The following PCM1 variants were observed in gnomAD, a reference collection of about 807,000 sequenced individuals.
The protein encoded by PCM1 is pericentriolar material 1.
A neutral mutation model predicts 241.9 loss-of-function variants in PCM1; 157 were observed. The observed-to-expected ratio is 0.65, with a 90% CI of 0.57 to 0.74. The LOEUF is 0.74. Among genes scored for constraint, PCM1 ranks in the 30% least tolerant of loss-of-function variants. The probability of loss-of-function intolerance (pLI) is 0.00; values close to 1 mark genes in which losing one functional copy is unlikely to be tolerated. For missense variants in PCM1, 3,478 were observed against 2,360.1 expected (o/e 1.47, Z -9.81); for synonymous variants, 1,085 against 784.9 (o/e 1.38, Z -6.39).
At chr8:17,988,734 A>G (rs1169680845) in intron 26 of PCM1, among the ~76,000 whole-genome samples, 1 of 151,960 alleles carries the variant, frequency 6.6e-6, no homozygotes, top group African/African-American at 2.4e-5. Flanking sequence ...AGATATATGA[A>G]TGGCTAATAT....
intron 2 of PCM1, among the ~76,000 whole-genome samples, chr8:17,934,509 C>T (rs2059901735): frequency 6.6e-6 from 1 of 152,152 alleles, no homozygotes; most frequent in Non-Finnish European, 1.5e-5. Flanking sequence ...GATCCGCTTA[C>T]CTCAGCTTCT....
chr8:18,001,359 A>G (rs892236032), intron 29 of PCM1, among the ~76,000 whole-genome samples: 12 of 152,238 alleles, frequency 7.9e-5, no homozygotes, highest in African/African-American at 2.7e-4. Context: ...ATTTTTAGAC[A>G]TAAAATTTTT....
At chr8:17,959,715 C>T (rs2070725951) in intron 13 of PCM1, among the ~76,000 whole-genome samples, 1 of 151,838 alleles carries the variant, frequency 6.6e-6, no homozygotes, top group Non-Finnish European at 1.5e-5. Flanking sequence ...TTTCTCCACA[C>T]CCTTGATTGT....
chr8:17,950,218 C>G (rs989412831), intron 7 of PCM1, among the ~76,000 whole-genome samples: 2 of 152,160 alleles, frequency 1.3e-5, no homozygotes, highest in East Asian at 1.9e-4. Flanking sequence ...GCCCCTCTAC[C>G]GGAGAATTGA....
At position 17,966,322 on chromosome 8, in the gene PCM1, CA is replaced by C; in HGVS notation, c.3076-4del. On this transcript the variant is annotated splice_polypyrimidine_tract_variant and splice_region_variant and intron_variant, in intron 19 of 38. Transcript: ENST00000325083. ...GTAACTATTAACAAACATTTTCTTT[CA>C]ATAGACTCTATCTTGTCTGCTACAA... 1 of 1,613,262 alleles carries C rather than the reference CA, an allele frequency of 6.2e-7. No homozygotes were observed. The highest frequency in any genetic ancestry group is 1.1e-5 in the South Asian group (1 of 91,022).
At chr8:17,995,078 G>T (rs1344359757) in intron 29 of PCM1, among the ~76,000 whole-genome samples, 2 of 151,300 alleles carry the variant, frequency 1.3e-5, no homozygotes, top group Non-Finnish European at 2.9e-5. Context: ...TGCTTGTGGG[G>T]TATCACTCAA....
chr8:17,977,906 A>G (rs2079317881), intron 23 of PCM1, among the ~76,000 whole-genome samples: 1 of 152,196 alleles, frequency 6.6e-6, no homozygotes, highest in African/African-American at 2.4e-5. Context: ...AGAAGGTGAG[A>G]GTCATGACTA....
chr8:17,932,743 G>GT (rs2059395968), intron 2 of PCM1, among the ~76,000 whole-genome samples: 1 of 151,792 alleles, frequency 6.6e-6, no homozygotes, highest in Non-Finnish European at 1.5e-5. Flanking sequence ...TCTAAATTTA[G>GT]TAAGTTCTCT....
Position 17,967,156 on chromosome 8 carries a change from C to A in PCM1, c.3398C>A (p.Ser1133Ter). Residue 1133 changes from serine (S) to a stop codon, truncating the protein, a stop_gained, in exon 21 of 39, where the codon TCA (serine) becomes TAA (stop). Transcript: ENST00000325083. LOFTEE classifies it high-confidence loss of function. ...LFNIPGFTNF[S>*]SFAPGMNFSP... Reference sequence around the variant, plus strand: ...AATATACCTGGATTTACTAACTTTTCATCATTTGCACCAGGTAGGTGACTT... The same window carrying A: ...AATATACCTGGATTTACTAACTTTTAATCATTTGCACCAGGTAGGTGACTT... The A allele has an allele frequency of 6.3e-7, 1 of 1,590,592 alleles. No homozygotes were observed.
Position 17,957,717 on chromosome 8 carries a change from G to A in PCM1, c.1982G>A (p.Arg661Gln), listed in dbSNP as rs368537284. The A allele has an allele frequency of 3.3e-5, 54 of 1,613,448 alleles. 1 individual carries two copies. In the Admixed American group the frequency reaches 5.2e-4, roughly 15 times the overall value. ...EDAEFEQKIN[R>Q]LMAAKQKLRQ... ...GCTGAATTTGAACAGAAGATCAACC[G>A]ACTTATGGCTGCAAAACAGAAACTT... The change falls in exon 13 of 39, where the codon CGA (arginine) becomes CAA (glutamine). Residue 661 changes from arginine (R) to glutamine (Q), a missense_variant. Physicochemically the swap from Arg to Gln is conservative, Grantham distance 43. Transcript: ENST00000325083.
At chr8:17,942,198 G>A (rs1409279276) in intron 6 of PCM1, among the ~76,000 whole-genome samples, 1 of 152,096 alleles carries the variant, frequency 6.6e-6, no homozygotes, top group African/African-American at 2.4e-5. Flanking sequence ...ATTTAGATGG[G>A]GCCAGGCGTG....
chr8:17,965,266 T>C (rs1181328718), intron 18 of PCM1, among the ~76,000 whole-genome samples: 1 of 152,192 alleles, frequency 6.6e-6, no homozygotes, highest in South Asian at 2.1e-4. Flanking sequence ...GAATTCTGTT[T>C]ACGGTTTTTT....
In PCM1 at chr8:17,997,576, G is replaced by T. The variant is rs1007264427; in HGVS notation, c.4827+3957G>T. 2.0e-5 allele frequency among the ~76,000 whole-genome samples: 3 copies of T among 152,102 alleles called. No individual in the cohort carries two copies. In the East Asian group the frequency reaches 5.8e-4, roughly 29 times the overall value. On this transcript the variant is annotated intron_variant, in intron 29 of 38. Coordinates refer to ENST00000325083, the MANE Select transcript of PCM1 (RefSeq NM_006197.4). Reference sequence around the variant, plus strand: ...TCTCCTCAAGTTGTGTGTTTTCAAAGAGCCTGTCTTCAAGCTAATTCTTTA... The same window carrying T: ...TCTCCTCAAGTTGTGTGTTTTCAAATAGCCTGTCTTCAAGCTAATTCTTTA...
At chr8:18,000,785 C>G (rs2089095076) in intron 29 of PCM1, among the ~76,000 whole-genome samples, 1 of 152,080 alleles carries the variant, frequency 6.6e-6, no homozygotes, top group Non-Finnish European at 1.5e-5. Context: ...CCATGCCTGG[C>G]TTGCTTTTTG....
intron 20 of PCM1, among the ~76,000 whole-genome samples, 162 bp from the exon 21 acceptor site, chr8:17,966,818 T>C (rs947563707): frequency 6.6e-6 from 1 of 152,214 alleles, no homozygotes; most frequent in African/African-American, 2.4e-5. Flanking sequence ...AGAGGGAAAG[T>C]TATTGAATTA....
chr8:18,025,026 G>A (rs1448661702), intron 36 of PCM1: 2 of 184,298 alleles, frequency 1.1e-5, no homozygotes, highest in Non-Finnish European at 1.1e-5. Context: ...ACATTCTGCT[G>A]GGTACAGCTC....
Position 18,017,523 on chromosome 8 carries a change from C to T in PCM1, c.5841+2683C>T, listed in dbSNP as rs568955988. On this transcript the variant is annotated intron_variant, in intron 36 of 38. Coordinates refer to ENST00000325083, the MANE Select transcript of PCM1 (RefSeq NM_006197.4). The stretch of plus-strand genomic sequence containing the variant: ...CTTGACCAGTCCTCTAATGGACCTA[C>T]CTGTGTTGGGCCAGACTATTTCCTC... 2.6e-5 allele frequency among the ~76,000 whole-genome samples: 4 copies of T among 152,132 alleles called. No individual in the cohort carries two copies. In the South Asian group the frequency reaches 8.3e-4, roughly 32 times the overall value.
At chr8:18,017,041 G>A (rs1260744616) in intron 36 of PCM1, among the ~76,000 whole-genome samples, 1 of 152,204 alleles carries the variant, frequency 6.6e-6, no homozygotes, top group African/African-American at 2.4e-5. Context: ...CACTGGGGAA[G>A]CATGTTAATG....
At chr8:18,011,602 AAGTGGTAGCTATTGTT>A in intron 33 of PCM1, 49 bp from the exon 34 acceptor site, 1 of 1,402,852 alleles carries the variant, frequency 7.1e-7, no homozygotes, top group Non-Finnish European at 9.7e-7. Flanking sequence ...GGAATGCAGT[AAGTGGTAGCTATTGTT>A]AAGATTATGT....
Sources: allele counts gnomAD v4.1 joint callset (sites outside exome capture counted in the v4.1 genomes callset), GRCh38; gene constraint gnomAD v4.1.1; transcripts MANE v1.5; gene names NCBI Gene and HGNC (gene_info 2026-07-23, HGNC 2026-07-21).